DENND2B: variants seen among roughly 807,000 people sequenced by gnomAD.
DENND2B encodes the protein DENN domain-containing protein 2B.
DENND2B carries 32 observed loss-of-function variants against 116.0 expected under a neutral mutation model. The ratio of observed to expected loss-of-function variants is 0.28; its 90% CI spans 0.21 to 0.37. DENND2B has a LOEUF of 0.37. Among genes scored for constraint, DENND2B ranks in the 10% least tolerant of loss-of-function variants. The pLI is 1.00. For missense variants in DENND2B, 1,276 were observed against 1,477.7 expected, an observed-to-expected ratio of 0.86 and a Z score of 2.24; for synonymous variants, 588 against 583.9, an observed-to-expected ratio of 1.01 and a Z score of -0.10.
chr11:8,766,567 G>A, intron 1 of DENND2B: 1 of 1,231,994 alleles, frequency 8.1e-7, no homozygotes, highest in Non-Finnish European at 1.1e-6. Flanking sequence ...CAAGGAGAGG[G>A]CTTCCACTGA....
intron 2 of DENND2B, among the ~76,000 whole-genome samples, chr11:8,737,758 TCTTCCTCTC>T (rs1162669190): frequency 5.3e-5 from 8 of 151,970 alleles, no homozygotes; most frequent in East Asian, 1.9e-4. Flanking sequence ...TCCTTCCTCT[TCTTCCTCTC>T]CTTCCTCTCT....
intron 2 of DENND2B, among the ~76,000 whole-genome samples, chr11:8,736,081 A>G (rs2048978226): frequency 6.6e-6 from 1 of 152,132 alleles, no homozygotes; most frequent in African/African-American, 2.4e-5. Flanking sequence ...TCACTTCTTC[A>G]TGGTTCCTAG....
Position 8,710,781 on chromosome 11 carries a change from A to G in DENND2B, c.2352+64T>C, listed in dbSNP as rs530370066. ...CACACACACACACACACACACACACACACACACACACACCCTGGCCTATCC... is the reference window on the plus strand; with the variant it reads ...CACACACACACACACACACACACACGCACACACACACACCCTGGCCTATCC... On this transcript the variant is annotated intron_variant, in intron 11 of 19. Transcript: ENST00000313726. 23 of 1,440,308 alleles carry G rather than the reference A, an allele frequency of 1.6e-5. No individual in the cohort carries two copies. In the Middle Eastern group the frequency reaches 7.0e-4, roughly 44 times the overall value. 89.2% of individuals were successfully genotyped at this position (1,440,308 alleles called of 1,614,324 possible).
chr11:8,696,506 G>A lies in DENND2B; in HGVS notation c.3213C>T (p.Arg1071=), dbSNP rs376195907. ...GAGACTCCATAAAAACCTCAAGAAA[G>A]CGGCGGATGCTTTTGGAGGCCACAG... ...RKSVASKSIR[R]FLEVFMESQM... is the part of the protein sequence containing the mutation. Residue 1071 remains arginine (R), a synonymous_variant, in exon 18 of 20, where the codon CGC becomes CGT. Transcript: ENST00000313726. 18 of 1,614,082 alleles carry A rather than the reference G, an allele frequency of 1.1e-5. No individual in the cohort carries two copies. The East Asian group carries it at 1.6e-4, about 14-fold the overall frequency.
chr11:8,772,709 T>C (rs1232427223), intron 1 of DENND2B, among the ~76,000 whole-genome samples: 1 of 152,094 alleles, frequency 6.6e-6, no homozygotes, highest in African/African-American at 2.4e-5. Context: ...TAGAGTGCCA[T>C]GACCAGGGGA....
intron 4 of DENND2B, among the ~76,000 whole-genome samples, chr11:8,820,565 A>G (rs530970202): frequency 6.6e-6 from 1 of 152,306 alleles, no homozygotes; most frequent in South Asian, 2.1e-4. Flanking sequence ...AATGTTTTAC[A>G]TTGTAATCTA....
At position 8,715,761 on chromosome 11, in the gene DENND2B, T is replaced by C; in HGVS notation, c.1687A>G (p.Ser563Gly). The change falls in exon 6 of 20, where the codon AGC becomes GGC. Residue 563 changes from serine to glycine, a missense_variant. Physicochemically the swap from Ser to Gly is moderately conservative, Grantham distance 56 (BLOSUM62 0). Coordinates refer to ENST00000313726, the MANE Select transcript of DENND2B (RefSeq NM_213618.2). ...TTGGGTAATCGTGGCAGCCGGTGGCTCTTCCTTTCTGACCAGTTCCCACTG... is the reference window on the plus strand; with the variant it reads ...TTGGGTAATCGTGGCAGCCGGTGGCCCTTCCTTTCTGACCAGTTCCCACTG... The part of the protein sequence containing the change: ...LRSGNWSERK[S>G]HRLPRLPKRH... The C allele has an allele frequency of 6.2e-7, 1 of 1,613,952 alleles. No individual in the cohort carries two copies. The highest frequency in any genetic ancestry group is 1.3e-5 in the African/African-American group (1 of 75,052).
In DENND2B at chr11:8,754,029, G is replaced by GCACACACACACACACA. The variant is rs60488372; in HGVS notation, c.-25-3320_-25-3305dup. 2.7e-3 allele frequency among the ~76,000 whole-genome samples: 377 copies of GCACACACACACACACA among 138,820 alleles called. 1 individual carries two copies. The highest frequency in any genetic ancestry group is 8.8e-3 in the African/African-American group (323 of 36,614). 91.1% of individuals were successfully genotyped at this position (138,820 alleles called of 152,430 possible). A position where few individuals can be genotyped will look rare whatever the true frequency, so the allele number is the denominator to read the frequency against. ...TTCTTAGATATAACACCAAAAGCGC[G>GCACACACACACACACA]CACACACACACACACACACACACAC... On this transcript the variant is annotated intron_variant, in intron 1 of 19. Transcript: ENST00000313726.
At chr11:8,819,460 A>G (rs1278757199) in intron 4 of DENND2B, among the ~76,000 whole-genome samples, 4 of 152,244 alleles carry the variant, frequency 2.6e-5, no homozygotes, top group Admixed American at 6.5e-5. Flanking sequence ...TCTCTCCCAG[A>G]GTATTTATTA....
intron 1 of DENND2B, among the ~76,000 whole-genome samples, chr11:8,909,369 T>A (rs905395264): frequency 2.0e-5 from 3 of 149,396 alleles, no homozygotes; most frequent in African/African-American, 7.4e-5. Context: ...CGTTTCTTTA[T>A]TAAACAAAAA....
chr11:8,857,032 T>A (rs2063218200), intron 3 of DENND2B, among the ~76,000 whole-genome samples: 1 of 152,120 alleles, frequency 6.6e-6, no homozygotes, highest in African/African-American at 2.4e-5. Context: ...GGATTACAGG[T>A]ATGAGCCACT....
intron 1 of DENND2B, among the ~76,000 whole-genome samples, chr11:8,772,124 G>A (rs1256884877): frequency 9.9e-6 from 1 of 101,174 alleles, no homozygotes; most frequent in Non-Finnish European, 2.2e-5. Context: ...GGGAATGGAA[G>A]CTCTACACAC....
At position 8,711,014 on chromosome 11, in the gene DENND2B, G is replaced by T. The variant is rs2043566124; in HGVS notation, c.2283-100C>A. 1.9e-6 allele frequency: 3 copies of T among 1,563,446 alleles called. No individual in the cohort carries two copies. The Admixed American group carries it at 5.2e-5, about 27-fold the overall frequency. ...CATTTTCACGTGGGGTGAAGGGCCA[G>T]GTTGCTGTAGGAGAGGATGAGACTA... On this transcript the variant is annotated intron_variant, in intron 10 of 19. Coordinates refer to ENST00000313726, the MANE Select transcript of DENND2B (RefSeq NM_213618.2).
chr11:8,852,860 A>T (rs1381106597), intron 3 of DENND2B, among the ~76,000 whole-genome samples: 1 of 152,200 alleles, frequency 6.6e-6, no homozygotes. Context: ...GCTGGATTGG[A>T]GGCAGCAAGA....
At chr11:8,729,148 C>A (rs533851879) in intron 3 of DENND2B, among the ~76,000 whole-genome samples, 1 of 152,248 alleles carries the variant, frequency 6.6e-6, no homozygotes, top group East Asian at 1.9e-4. Context: ...ACCTGAATAC[C>A]CATCAGTCGT....
At chr11:8,781,038 G>T (rs778555008) in intron 1 of DENND2B, among the ~76,000 whole-genome samples, 1 of 152,134 alleles carries the variant, frequency 6.6e-6, no homozygotes, top group African/African-American at 2.4e-5. Context: ...GGGAATCTCC[G>T]AGTTCAGCAT....
In DENND2B at chr11:8,834,144, G is replaced by T. The variant is rs2062325933; in HGVS notation, c.-115+5166C>A. 2.6e-5 allele frequency among the ~76,000 whole-genome samples: 4 copies of T among 152,232 alleles called. No individual in the cohort carries two copies. The South Asian group carries it at 8.3e-4, about 32-fold the overall frequency. ...GCTGATCCCCAAGCAAGAACATCTG[G>T]ATAAGCTTTCCCACCCTCACAGGAA... On this transcript the variant is annotated intron_variant, in intron 4 of 6. Transcript: ENST00000524757.
chr11:8,797,183 T>C (rs1376695570), intron 1 of DENND2B, among the ~76,000 whole-genome samples: 1 of 152,166 alleles, frequency 6.6e-6, no homozygotes, highest in Non-Finnish European at 1.5e-5. Context: ...CATCAACAAA[T>C]TAACTCACAG....
chr11:8,799,125 G>A (rs2060085622), intron 1 of DENND2B, among the ~76,000 whole-genome samples: 1 of 152,100 alleles, frequency 6.6e-6, no homozygotes, highest in Admixed American at 6.6e-5. Flanking sequence ...CCCTGCCCTG[G>A]TTGCTTTCTT....
Sources: allele counts gnomAD v4.1 joint callset (sites outside exome capture counted in the v4.1 genomes callset), GRCh38; gene constraint gnomAD v4.1.1; transcripts MANE v1.5; gene names NCBI Gene and HGNC (gene_info 2026-07-23, HGNC 2026-07-21).